Variants in PCDHA11 observed in about 807,000 individuals in gnomAD.
PCDHA11 encodes the protein protocadherin alpha-11.
A neutral mutation model predicts 70.3 loss-of-function variants in PCDHA11; 61 were observed. The ratio of observed to expected loss-of-function variants is 0.87; its 90% CI spans 0.71 to 1.07. The LOEUF is 1.07. PCDHA11 is among the 50% of genes least tolerant of loss of function. PCDHA11 has a pLI of 0.00. For synonymous variants in PCDHA11, 633 were observed against 555.1 expected (o/e 1.14, Z -1.97); for missense variants, 1,324 against 1,237.5 (o/e 1.07, Z -1.05).
At chr5:140,923,185 A>G (rs536691139) in intron 1 of PCDHA11, among the ~76,000 whole-genome samples, 1 of 152,324 alleles carries the variant, frequency 6.6e-6, no homozygotes, top group East Asian at 1.9e-4. Flanking sequence ...AGATGCATCT[A>G]CTGCAGCAAT....
intron 1 of PCDHA11, chr5:140,883,153 A>G (rs1268982674): frequency 2.5e-6 from 4 of 1,614,120 alleles, no homozygotes; most frequent in Non-Finnish European, 8.5e-7. Flanking sequence ...CATTTACCAT[A>G]AATCCGAACA....
rs116104145 is a variant in PCDHA11, at chr5:140,901,150, A to G, written c.2391+29656A>G. Among the ~76,000 whole-genome samples, 839 of 152,012 alleles carry G rather than the reference A, an allele frequency of 5.5e-3. 12 individuals carry two copies. Among genetic ancestry groups the G allele is most frequent in the African/African-American group, 0.019 (783 of 41,484 alleles). On this transcript the variant is annotated intron_variant, in intron 1 of 3. Transcript: ENST00000398640. ...GGTAGATTGTAAATATTTTCTCTCA[A>G]TCTGTGGGTTGTCTCTTCACTTTGT...
chr5:140,987,462 A>C (rs2097255249), intron 3 of PCDHA11, among the ~76,000 whole-genome samples: 1 of 152,154 alleles, frequency 6.6e-6, no homozygotes, highest in African/African-American at 2.4e-5. Flanking sequence ...AATTGTTAAG[A>C]GCTCAAGCTT....
intron 3 of PCDHA11, among the ~76,000 whole-genome samples, chr5:140,991,118 A>T (rs2153893669): frequency 6.6e-6 from 1 of 152,340 alleles, no homozygotes; most frequent in South Asian, 2.1e-4. Context: ...GCTTTCTTAC[A>T]TTCACACAGC....
intron 3 of PCDHA11, among the ~76,000 whole-genome samples, chr5:140,999,223 G>A (rs1554256702): frequency 3.3e-5 from 5 of 152,316 alleles, no homozygotes; most frequent in African/African-American, 1.2e-4. Flanking sequence ...TACTACATTT[G>A]AGAATAGGTG....
At chr5:140,897,648 T>C (rs556362001) in intron 1 of PCDHA11, among the ~76,000 whole-genome samples, 1 of 152,302 alleles carries the variant, frequency 6.6e-6, no homozygotes, top group African/African-American at 2.4e-5. Flanking sequence ...ACAATAAACA[T>C]ACGTGTGCAT....
chr5:140,891,311 T>C (rs563637309), intron 1 of PCDHA11, among the ~76,000 whole-genome samples: 1 of 152,216 alleles, frequency 6.6e-6, no homozygotes, highest in African/African-American at 2.4e-5. Context: ...ATTACATGAG[T>C]AAGTTCTTTG....
chr5:140,877,256 G>C lies in PCDHA11; in HGVS notation c.2391+5762G>C, dbSNP rs782364296. 2.5e-6 allele frequency: 4 copies of C among 1,613,628 alleles called. No homozygotes were observed. In the African/African-American group the frequency reaches 5.3e-5, roughly 22 times the overall value. On this transcript the variant is annotated intron_variant, in intron 1 of 3. Transcript: ENST00000398640. Reference sequence around the variant, plus strand: ...GCGGGCCACGTGGTGGCGAAAGTGCGCGCGGTGGACGCTGACTCCGGCTAT... The same window carrying C: ...GCGGGCCACGTGGTGGCGAAAGTGCCCGCGGTGGACGCTGACTCCGGCTAT...
At chr5:140,891,888 T>C (rs1562860973) in intron 1 of PCDHA11, among the ~76,000 whole-genome samples, 1 of 152,212 alleles carries the variant, frequency 6.6e-6, no homozygotes, top group Non-Finnish European at 1.5e-5. Context: ...CATGTGACGA[T>C]GCAGCAAGAA....
intron 1 of PCDHA11, among the ~76,000 whole-genome samples, chr5:140,911,116 C>G (rs1184319768): frequency 6.6e-6 from 1 of 152,142 alleles, no homozygotes; most frequent in Non-Finnish European, 1.5e-5. Flanking sequence ...GAAGCCATCA[C>G]TGTTGCCTCA....
chr5:140,898,644 T>C (rs2066890005), intron 1 of PCDHA11, among the ~76,000 whole-genome samples: 2 of 152,226 alleles, frequency 1.3e-5, no homozygotes, highest in Admixed American at 1.3e-4. Context: ...GCTTTGTTCT[T>C]TTGGCTTAGG....
chr5:140,916,322 C>T (rs2077526281), intron 1 of PCDHA11, among the ~76,000 whole-genome samples: 1 of 152,066 alleles, frequency 6.6e-6, no homozygotes, highest in Non-Finnish European at 1.5e-5. Context: ...GACAAAGTCC[C>T]CTTTACTTTT....
chr5:140,981,626 T>A (rs1199717691), intron 2 of PCDHA11, among the ~76,000 whole-genome samples: 1 of 152,176 alleles, frequency 6.6e-6, no homozygotes, highest in Middle Eastern at 3.2e-3. Flanking sequence ...GAGGGTTTTC[T>A]TGGACATTTT....
intron 1 of PCDHA11, among the ~76,000 whole-genome samples, chr5:140,972,133 C>T (rs532498360): frequency 2.0e-5 from 3 of 152,072 alleles, no homozygotes; most frequent in East Asian, 3.9e-4. Flanking sequence ...CAGTGAGTTA[C>T]TACTATTTTT....
intron 1 of PCDHA11, among the ~76,000 whole-genome samples, chr5:140,887,879 A>G (rs956379948): frequency 1.3e-5 from 2 of 152,154 alleles, no homozygotes; most frequent in South Asian, 4.1e-4. Context: ...TTCCTTTTGT[A>G]GTATCATATC....
At chr5:140,957,725 A>T (rs1385506394) in intron 1 of PCDHA11, among the ~76,000 whole-genome samples, 1 of 152,156 alleles carries the variant, frequency 6.6e-6, no homozygotes, top group Non-Finnish European at 1.5e-5. Context: ...AAAGAAGCAG[A>T]ATTATATATA....
At chr5:140,967,790 C>T in intron 1 of PCDHA11, 1 of 1,614,188 alleles carries the variant, frequency 6.2e-7, no homozygotes, top group Non-Finnish European at 8.5e-7. Flanking sequence ...TGACCGGGGT[C>T]CAGTGCCCAT....
At chr5:140,936,527 T>G (rs533687361) in intron 1 of PCDHA11, among the ~76,000 whole-genome samples, 3 of 152,368 alleles carry the variant, frequency 2.0e-5, no homozygotes, top group African/African-American at 7.2e-5. Context: ...CTGAAATTGC[T>G]TTTGAATATA....
intron 1 of PCDHA11, among the ~76,000 whole-genome samples, chr5:140,906,981 G>A (rs1554192831): frequency 6.6e-6 from 1 of 152,122 alleles, no homozygotes; most frequent in Non-Finnish European, 1.5e-5. Flanking sequence ...GTCTTCTGGT[G>A]GCAGCATTCC....
Sources: allele counts gnomAD v4.1 joint callset (sites outside exome capture counted in the v4.1 genomes callset), GRCh38; gene constraint gnomAD v4.1.1; transcripts MANE v1.5; gene names NCBI Gene and HGNC (gene_info 2026-07-23, HGNC 2026-07-21).